Variants in GALK2 observed in about 807,000 individuals in gnomAD.
GALK2 encodes N-acetylgalactosamine kinase.
A neutral mutation model predicts 52.4 loss-of-function variants in GALK2; 36 were observed. The ratio of observed to expected loss-of-function variants is 0.69; its 90% CI spans 0.53 to 0.91. GALK2 has a LOEUF of 0.91. Among genes scored for constraint, GALK2 ranks in the 40% least tolerant of loss-of-function variants. GALK2 has a pLI of 0.00. For synonymous variants in GALK2, 176 were observed against 199.1 expected (o/e 0.88, Z 0.98); for missense variants, 579 against 559.1 (o/e 1.04, Z -0.36).
intron 1 of GALK2, among the ~76,000 whole-genome samples, chr15:49,186,178 C>T (rs1566915440): frequency 6.6e-6 from 1 of 152,116 alleles, no homozygotes; most frequent in Admixed American, 6.6e-5. Flanking sequence ...CTTTTATTAT[C>T]CCTTTGAATA....
At chr15:49,317,883 G>T (rs1166264330) in intron 8 of GALK2, among the ~76,000 whole-genome samples, 1 of 152,012 alleles carries the variant, frequency 6.6e-6, no homozygotes, top group East Asian at 1.9e-4. Context: ...CAGGGAAAGG[G>T]GAACAACACA....
chr15:49,207,261 G>GC (rs2088373007), intron 2 of GALK2, among the ~76,000 whole-genome samples: 1 of 152,128 alleles, frequency 6.6e-6, no homozygotes, highest in Non-Finnish European at 1.5e-5. Flanking sequence ...AAGGATTTTA[G>GC]CATCTATGTT....
In GALK2 at chr15:49,220,802, T is replaced by A. The variant is rs569434249; in HGVS notation, c.266+3489T>A. 3.9e-5 allele frequency among the ~76,000 whole-genome samples: 6 copies of A among 152,348 alleles called. No homozygotes were observed. The East Asian group carries it at 1.2e-3, about 29-fold the overall frequency. On this transcript the variant is annotated intron_variant, in intron 3 of 9. Transcript: ENST00000560031. ...ACTTGGGTAAGATGATGTCTCATTGTGGTTTTGATTTCCATTTTGCTGATG... is the reference window on the plus strand; with the variant it reads ...ACTTGGGTAAGATGATGTCTCATTGAGGTTTTGATTTCCATTTTGCTGATG...
chr15:49,232,308 G>A (rs539774402), intron 3 of GALK2, among the ~76,000 whole-genome samples: 1 of 152,334 alleles, frequency 6.6e-6, no homozygotes, highest in South Asian at 2.1e-4. Context: ...AGGCAGAGGG[G>A]TCAGGATATG....
Position 49,177,136 on chromosome 15 carries a change from T to C in GALK2, c.53+6761T>C, listed in dbSNP as rs1011063138. ...ACACTCAAAGTTCTTTTTCTATATATTTTTTTAAATTGAAGAACCACCTTG... is the reference window on the plus strand; with the variant it reads ...ACACTCAAAGTTCTTTTTCTATATACTTTTTTAAATTGAAGAACCACCTTG... On this transcript the variant is annotated intron_variant, in intron 1 of 9. Transcript: ENST00000560031. Among the ~76,000 whole-genome samples the C allele has an allele frequency of 5.9e-5, 9 of 152,064 alleles. 1 individual carries two copies. Among genetic ancestry groups the C allele is most frequent in the African/African-American group, 2.2e-4 (9 of 41,532 alleles).
intron 7 of GALK2, among the ~76,000 whole-genome samples, chr15:49,286,621 TA>T (rs1461768986): frequency 2.0e-5 from 3 of 152,208 alleles, no homozygotes; most frequent in Non-Finnish European, 4.4e-5. Flanking sequence ...AGATAGTGTC[TA>T]AAAATAATGT....
chr15:49,315,961 G>T (rs902400403), intron 8 of GALK2, among the ~76,000 whole-genome samples: 2 of 152,110 alleles, frequency 1.3e-5, no homozygotes, highest in Admixed American at 6.6e-5. Context: ...TAATCCTAAA[G>T]AAATATGTAA....
chr15:49,224,577 A>G (rs781734962), intron 3 of GALK2, among the ~76,000 whole-genome samples: 7 of 152,190 alleles, frequency 4.6e-5, no homozygotes, highest in Non-Finnish European at 1.0e-4. Context: ...CATTTATTGA[A>G]TAGGGAGCCC....
chr15:49,349,587 G>GT (rs1288231329), intron 3 of GALK2, among the ~76,000 whole-genome samples: 3 of 152,148 alleles, frequency 2.0e-5, no homozygotes, highest in African/African-American at 7.2e-5. Flanking sequence ...TGGGAGTCAA[G>GT]TAGGGGAGTT....
At chr15:49,239,492 C>T in intron 5 of GALK2, 125 bp downstream of exon 5, 1 of 830,746 alleles carries the variant, frequency 1.2e-6, no homozygotes, top group Non-Finnish European at 1.9e-6. Context: ...CACATGTGGG[C>T]AAGCATTGTA....
intron 1 of GALK2, among the ~76,000 whole-genome samples, chr15:49,163,553 A>G (rs1437684920): frequency 6.6e-6 from 1 of 152,168 alleles, no homozygotes; most frequent in Non-Finnish European, 1.5e-5. Flanking sequence ...ATGGATGTCA[A>G]ATTGTTCCAG....
chr15:49,234,805 C>T (rs1030618388), intron 3 of GALK2, among the ~76,000 whole-genome samples: 6 of 151,416 alleles, frequency 4.0e-5, no homozygotes, highest in South Asian at 2.1e-4. Flanking sequence ...CTTGCTCTGT[C>T]GCCCAGGCTG....
At chr15:49,336,579 A>G (rs936850532), downstream of GALK2, among the ~76,000 whole-genome samples, 1 of 152,236 alleles carries the variant, frequency 6.6e-6, no homozygotes, top group African/African-American at 2.4e-5. Flanking sequence ...GCCCATTTTT[A>G]GAAAACTTTA....
rs1355595987 is a variant in GALK2 at position 49,281,967 on chromosome 15, A to G, written c.505-20A>G. 6.3e-7 allele frequency: 1 copy of G among 1,582,150 alleles called. No homozygotes were observed. The highest frequency in any genetic ancestry group is 2.2e-5 in the East Asian group (1 of 44,692). ...TGGGTTATGACTACTCACAGTACAA[A>G]TCAGTTTTTACCTTTCCAGGTGGAA... is the stretch of plus-strand genomic sequence containing the variant. On this transcript the variant is annotated intron_variant, in intron 5 of 9. Coordinates refer to ENST00000560031, the MANE Select transcript of GALK2 (RefSeq NM_002044.4).
At chr15:49,327,883 T>TACAA in intron 9 of GALK2, 69 bp from the exon 10 acceptor site, 5 of 1,482,208 alleles carry the variant, frequency 3.4e-6, no homozygotes, top group Non-Finnish European at 4.6e-6. Context: ...CTATGTGTTC[T>TACAA]ACAAACACCA....
At chr15:49,312,670 C>G (rs2036090421) in intron 8 of GALK2, among the ~76,000 whole-genome samples, 1 of 152,142 alleles carries the variant, frequency 6.6e-6, no homozygotes, top group African/African-American at 2.4e-5. Context: ...CTGGAGAACC[C>G]TGATTAGTAC....
chr15:49,322,394 CA>C (rs1251523550), intron 9 of GALK2, among the ~76,000 whole-genome samples: 1 of 152,156 alleles, frequency 6.6e-6, no homozygotes, highest in Non-Finnish European at 1.5e-5. Context: ...GCTTGTTGGC[CA>C]GAATAGTTGT....
chr15:49,250,682 A>G (rs2091554569), intron 5 of GALK2, among the ~76,000 whole-genome samples: 1 of 152,186 alleles, frequency 6.6e-6, no homozygotes, highest in Non-Finnish European at 1.5e-5. Context: ...AATCAGTATC[A>G]TAGACATCGG....
chr15:49,218,108 C>T (rs1424160210), intron 3 of GALK2, among the ~76,000 whole-genome samples: 1 of 152,102 alleles, frequency 6.6e-6, no homozygotes, highest in Admixed American at 6.6e-5. Context: ...ATATGTTTGG[C>T]TTGTTCATTG....
Sources: allele counts gnomAD v4.1 joint callset (sites outside exome capture counted in the v4.1 genomes callset), GRCh38; gene constraint gnomAD v4.1.1; transcripts MANE v1.5; gene names NCBI Gene and HGNC (gene_info 2026-07-23, HGNC 2026-07-21).